Variants in SOX5 observed in about 807,000 individuals in gnomAD.
The protein encoded by SOX5 is SRY-box transcription factor 5.
In SOX5, 9 loss-of-function variants were observed where a neutral mutation model predicts 92.0. The ratio of observed to expected loss-of-function variants is 0.10; its 90% CI spans 0.06 to 0.17. SOX5 has a LOEUF of 0.17. Among genes scored for constraint, SOX5 ranks in the 10% least tolerant of loss-of-function variants. SOX5 has a pLI of 1.00. For synonymous variants in SOX5, 344 were observed against 336.3 expected (o/e 1.02, Z -0.25); for missense variants, 642 against 944.5 (o/e 0.68, Z 4.20).
chr12:24,183,526 T>C (rs1304628979), intron 4 of SOX5, among the ~76,000 whole-genome samples: 1 of 152,194 alleles, frequency 6.6e-6, no homozygotes, highest in Non-Finnish European at 1.5e-5. Context: ...GTTGATGTTA[T>C]TCTCATAGAC....
intron 8 of SOX5, among the ~76,000 whole-genome samples, chr12:23,613,585 C>T (rs2076217962): frequency 6.6e-6 from 1 of 152,132 alleles, no homozygotes; most frequent in South Asian, 2.1e-4. Context: ...GAATTATTCA[C>T]AACAGCCCAA....
intron 4 of SOX5, among the ~76,000 whole-genome samples, chr12:24,131,171 C>T (rs528769074): frequency 6.6e-6 from 1 of 152,194 alleles, no homozygotes; most frequent in South Asian, 2.1e-4. Context: ...GATAGTAAAC[C>T]AGAAAGCATA....
At chr12:24,074,523 T>C (rs530242456) in intron 4 of SOX5, among the ~76,000 whole-genome samples, 8 of 149,580 alleles carry the variant, frequency 5.3e-5, no homozygotes, top group Non-Finnish European at 1.0e-4. Context: ...AGTTGCAATA[T>C]GGAATCTAAT....
chr12:23,598,462 G>T (rs1020468850), intron 9 of SOX5, among the ~76,000 whole-genome samples: 2 of 137,156 alleles, frequency 1.5e-5, no homozygotes, highest in Non-Finnish European at 3.1e-5. Context: ...GCAGTGGCGC[G>T]ATCTCGGCTC....
chr12:23,773,757 G>T (rs1478838737), intron 3 of SOX5, among the ~76,000 whole-genome samples: 1 of 151,880 alleles, frequency 6.6e-6, no homozygotes, highest in Admixed American at 6.6e-5. Flanking sequence ...TGCAGGTTTT[G>T]GAGATACAAA....
intron 1 of SOX5, among the ~76,000 whole-genome samples, chr12:23,938,559 G>A (rs750511340): frequency 1.3e-5 from 2 of 150,868 alleles, no homozygotes; most frequent in Non-Finnish European, 3.0e-5. Flanking sequence ...ATTCATTTTC[G>A]TGATTATGCA....
chr12:24,489,577 C>T (rs1012607872), intron 1 of SOX5, among the ~76,000 whole-genome samples: 5 of 152,094 alleles, frequency 3.3e-5, no homozygotes, highest in African/African-American at 1.2e-4. Context: ...AGGTTGATGG[C>T]GATTTCACTT....
rs1354741404 is a variant in SOX5, at chr12:24,109,683, C to T, written c.-2+103660G>A. ...TCTCTTTATAGGTGTTTTACTTTCC[C>T]ACTTAATAGCACAAAGAAGAAAATT... On this transcript the variant is annotated intron_variant, in intron 4 of 4. Coordinates refer to the SOX5 transcript ENST00000446891. 2.0e-5 allele frequency among the ~76,000 whole-genome samples: 3 copies of T among 152,128 alleles called. No individual in the cohort carries two copies. In the East Asian group the frequency reaches 5.8e-4, roughly 29 times the overall value.
chr12:24,284,267 T>C lies in SOX5; in HGVS notation c.-173-6955A>G, dbSNP rs78118136. Among the ~76,000 whole-genome samples, 624 of 152,280 alleles carry C rather than the reference T, an allele frequency of 4.1e-3. 1 individual carries two copies. The highest frequency in any genetic ancestry group is 7.2e-3 in the Non-Finnish European group (487 of 68,020). On this transcript the variant is annotated intron_variant, in intron 2 of 4. Coordinates refer to the SOX5 transcript ENST00000446891. ...TGCCAGCCACTCTGCTTTAGACACA[T>C]CTTTCTTTGCCCATACCCTGCTCTG... is the stretch of plus-strand genomic sequence containing the variant.
At chr12:24,201,781 CT>C (rs934230899) in intron 4 of SOX5, among the ~76,000 whole-genome samples, 5 of 152,146 alleles carry the variant, frequency 3.3e-5, no homozygotes, top group Non-Finnish European at 5.9e-5. Flanking sequence ...AACCTGGGCC[CT>C]TGGAGACTGA....
intron 2 of SOX5, among the ~76,000 whole-genome samples, chr12:23,852,218 T>C (rs569977694): frequency 1.3e-5 from 2 of 152,182 alleles, no homozygotes; most frequent in Admixed American, 6.5e-5. Context: ...TCTAATTTCC[T>C]GAACTAATGA....
chr12:23,816,511 T>C (rs565017688), intron 3 of SOX5, among the ~76,000 whole-genome samples: 2 of 152,228 alleles, frequency 1.3e-5, no homozygotes, highest in South Asian at 2.1e-4. Context: ...ACAAGATTTC[T>C]TAAGGAAGGC....
chr12:24,034,191 T>C lies in SOX5; in HGVS notation c.-1-138167A>G, dbSNP rs553828396. ...TTTTGAAGAGGACAAAGAATTCCAT[T>C]CAGCTTCCAGAGAATGAGTGAATGA... On this transcript the variant is annotated intron_variant, in intron 4 of 4. Transcript: ENST00000446891. 9.2e-5 allele frequency among the ~76,000 whole-genome samples: 14 copies of C among 152,198 alleles called. No homozygotes were observed. The South Asian group carries it at 2.9e-3, about 32-fold the overall frequency.
chr12:24,272,853 A>G (rs969071888), intron 3 of SOX5, among the ~76,000 whole-genome samples: 3 of 152,084 alleles, frequency 2.0e-5, no homozygotes, highest in African/African-American at 7.2e-5. Flanking sequence ...TATTCTCATC[A>G]GCTTTGGTAT....
At chr12:24,363,462 A>G (rs1317343898) in intron 2 of SOX5, among the ~76,000 whole-genome samples, 1 of 152,196 alleles carries the variant, frequency 6.6e-6, no homozygotes, top group African/African-American at 2.4e-5. Context: ...GAGTAGAAAG[A>G]GCAGGTTGAA....
chr12:24,378,573 AT>A (rs1285824631), intron 1 of SOX5, among the ~76,000 whole-genome samples: 1 of 152,132 alleles, frequency 6.6e-6, no homozygotes, highest in African/African-American at 2.4e-5. Context: ...ATATTTACAT[AT>A]TTTTAATAGG....
At chr12:24,090,700 A>C (rs1178842535) in intron 4 of SOX5, among the ~76,000 whole-genome samples, 1 of 152,162 alleles carries the variant, frequency 6.6e-6, no homozygotes, top group Non-Finnish European at 1.5e-5. Flanking sequence ...TATACTATCA[A>C]TGTAAGATAG....
intron 4 of SOX5, among the ~76,000 whole-genome samples, chr12:23,979,698 G>GTTT (rs67253622): frequency 0.044 from 2,836 of 64,680 alleles, 946 homozygotes; most frequent in Non-Finnish European, 0.054. Context: ...ATATATATAT[G>GTTT]TTTTTTTTGT....
chr12:23,681,975 C>T (rs1332670196), intron 6 of SOX5, among the ~76,000 whole-genome samples: 3 of 151,444 alleles, frequency 2.0e-5, no homozygotes, highest in African/African-American at 4.8e-5. Context: ...ATTAGCAATC[C>T]CCCATTATAA....
Sources: gnomAD v4.1 joint callset for allele counts (sites outside exome capture counted in the v4.1 genomes callset) on GRCh38, gnomAD v4.1.1 for gene constraint, MANE v1.5 for transcripts, NCBI Gene and HGNC (gene_info 2026-07-23, HGNC 2026-07-21) for gene names.